Variants in KCNMA1 observed in about 807,000 individuals in gnomAD.
KCNMA1 encodes Calcium-activated potassium channel subunit alpha-1.
Under a neutral mutation model 140.0 loss-of-function variants are expected in KCNMA1, and 29 were observed. That is an observed-to-expected ratio of 0.21 (90% CI 0.15 to 0.28). The LOEUF is 0.28. Among genes scored for constraint, KCNMA1 ranks in the 10% least tolerant of loss-of-function variants. The probability of loss-of-function intolerance (pLI) is 1.00; values close to 1 mark genes in which losing one functional copy is unlikely to be tolerated. For missense variants in KCNMA1, 880 were observed against 1,602.2 expected (o/e 0.55, Z 7.70); for synonymous variants, 612 against 611.9 (o/e 1.00, Z 0.00).
chr10:77,080,322 G>A (rs529475967), intron 12 of KCNMA1, among the ~76,000 whole-genome samples: 9 of 152,326 alleles, frequency 5.9e-5, no homozygotes, highest in Non-Finnish European at 1.2e-4. Flanking sequence ...CCGCTGTGCA[G>A]GAGCAGTCAC....
chr10:77,307,047 C>T (rs2077952956), intron 2 of KCNMA1, among the ~76,000 whole-genome samples: 1 of 152,232 alleles, frequency 6.6e-6, no homozygotes, highest in Non-Finnish European at 1.5e-5. Context: ...CCAGTTGACA[C>T]TCTCAACTTG....
At chr10:77,462,991 T>A (rs2097907359) in intron 1 of KCNMA1, among the ~76,000 whole-genome samples, 1 of 152,172 alleles carries the variant, frequency 6.6e-6, no homozygotes, top group Non-Finnish European at 1.5e-5. Context: ...TCTTGACTTA[T>A]CTAGGGATGG....
intron 1 of KCNMA1, among the ~76,000 whole-genome samples, chr10:77,470,474 C>CA (rs1567018756): frequency 6.6e-6 from 1 of 152,146 alleles, no homozygotes. Context: ...CTTGAACACC[C>CA]AGTGCTGCCG....
chr10:77,517,370 G>A (rs76024439), intron 1 of KCNMA1, among the ~76,000 whole-genome samples: 14 of 152,312 alleles, frequency 9.2e-5, no homozygotes, highest in African/African-American at 2.6e-4. Flanking sequence ...CCCCCTGGGC[G>A]TGGGGTCCCT....
At chr10:77,284,285 C>T (rs1328010804) in intron 2 of KCNMA1, among the ~76,000 whole-genome samples, 1 of 152,022 alleles carries the variant, frequency 6.6e-6, no homozygotes, top group Non-Finnish European at 1.5e-5. Flanking sequence ...ACTAAGGTAC[C>T]TAGAACAAAA....
chr10:76,965,921 C>A (rs1384127902), intron 20 of KCNMA1, among the ~76,000 whole-genome samples: 2 of 152,180 alleles, frequency 1.3e-5, no homozygotes, highest in African/African-American at 4.8e-5. Flanking sequence ...CCTCCCAAAC[C>A]AGAGGTAATG....
chr10:77,416,115 G>A (rs991550511), intron 1 of KCNMA1, among the ~76,000 whole-genome samples: 2 of 152,114 alleles, frequency 1.3e-5, no homozygotes, highest in African/African-American at 4.8e-5. Context: ...TCTACAGGCA[G>A]GAAATTTAAG....
chr10:77,491,595 C>T (rs1567134042), intron 1 of KCNMA1, among the ~76,000 whole-genome samples: 1 of 152,022 alleles, frequency 6.6e-6, no homozygotes, highest in African/African-American at 2.4e-5. Context: ...TGAAAGAGGG[C>T]ATCTTGGGGT....
At chr10:77,433,320 T>G (rs1235979322) in intron 1 of KCNMA1, among the ~76,000 whole-genome samples, 2 of 152,062 alleles carry the variant, frequency 1.3e-5, no homozygotes, top group Non-Finnish European at 2.9e-5. Flanking sequence ...ATCTGGCTAA[T>G]TTTTGTATTT....
chr10:77,321,049 GA>G (rs1450123740), intron 2 of KCNMA1, among the ~76,000 whole-genome samples: 1 of 152,126 alleles, frequency 6.6e-6, no homozygotes, highest in African/African-American at 2.4e-5. Flanking sequence ...GCCTTTCTAA[GA>G]AAATTCCAAA....
rs1232960256 is a variant in KCNMA1 at position 77,589,197 on chromosome 10, T to A, written c.378+48068A>T. Among the ~76,000 whole-genome samples the A allele has an allele frequency of 2.0e-5, 3 of 152,268 alleles. No individual in the cohort carries two copies. In the East Asian group the frequency reaches 5.8e-4, roughly 29 times the overall value. Reference sequence around the variant, plus strand: ...CTACTTATAAAACAAGAGAGGTGTGTTATAAATAAAACGACTTTGCAGCCC... The same window carrying A: ...CTACTTATAAAACAAGAGAGGTGTGATATAAATAAAACGACTTTGCAGCCC... On this transcript the variant is annotated intron_variant, in intron 1 of 27. Transcript: ENST00000286628.
At chr10:77,467,957 TC>T (rs1409969162) in intron 1 of KCNMA1, among the ~76,000 whole-genome samples, 1 of 152,234 alleles carries the variant, frequency 6.6e-6, no homozygotes, top group African/African-American at 2.4e-5. Flanking sequence ...TTAAGTATTA[TC>T]CTTTGAATAG....
chr10:77,224,067 C>T (rs186466097), intron 3 of KCNMA1, among the ~76,000 whole-genome samples: 1 of 152,326 alleles, frequency 6.6e-6, no homozygotes, highest in Admixed American at 6.5e-5. Flanking sequence ...CCATTCTCAA[C>T]TGCTGCTTCT....
At chr10:77,064,209 C>A (rs1374221690) in intron 14 of KCNMA1, 10 of 638,154 alleles carry the variant, frequency 1.6e-5, no homozygotes, top group African/African-American at 4.0e-5. Context: ...GTTTGCTTTA[C>A]CTTTAATGCT....
chr10:77,580,643 T>C (rs2673418), intron 1 of KCNMA1, among the ~76,000 whole-genome samples: 101,898 of 152,000 alleles, frequency 0.67, 34,457 homozygotes, highest in East Asian at 0.87. Context: ...GTGCATGTGA[T>C]GAGGGGCCTC....
At chr10:77,618,411 T>A (rs2090300000) in intron 1 of KCNMA1, among the ~76,000 whole-genome samples, 1 of 152,186 alleles carries the variant, frequency 6.6e-6, no homozygotes, top group East Asian at 1.9e-4. Flanking sequence ...AGAGTCTAGA[T>A]ACCATAAATA....
intron 2 of KCNMA1, among the ~76,000 whole-genome samples, chr10:77,393,024 C>T (rs1473978586): frequency 6.6e-6 from 1 of 152,234 alleles, no homozygotes; most frequent in East Asian, 1.9e-4. Flanking sequence ...CAGTCCCCAG[C>T]CAGCTCAGGG....
intron 7 of KCNMA1, 85 bp from the exon 8 acceptor site, chr10:77,110,428 C>G: frequency 1.7e-6 from 2 of 1,179,906 alleles, no homozygotes; most frequent in East Asian, 2.3e-5. Context: ...TCGGCACTCT[C>G]GAAGGCCACT....
chr10:77,281,988 G>A (rs866666850), intron 2 of KCNMA1, among the ~76,000 whole-genome samples: 23 of 152,270 alleles, frequency 1.5e-4, no homozygotes, highest in Middle Eastern at 6.8e-3. Flanking sequence ...AAAAGCCAGG[G>A]AGACCTCAGT....
Sources: gnomAD v4.1 joint callset for allele counts (sites outside exome capture counted in the v4.1 genomes callset) on GRCh38, gnomAD v4.1.1 for gene constraint, MANE v1.5 for transcripts, NCBI Gene and HGNC (gene_info 2026-07-23, HGNC 2026-07-21) for gene names.